The following TEX9 variants were observed in gnomAD, a reference collection of about 807,000 sequenced individuals.
TEX9 encodes testis-expressed protein 9.
A neutral mutation model predicts 59.6 loss-of-function variants in TEX9; 74 were observed. The observed-to-expected ratio is 1.24, with a 90% CI of 1.03 to 1.51. The LOEUF is 1.51. Among genes scored for constraint, TEX9 ranks in the 40% most tolerant of loss-of-function variants. The probability of loss-of-function intolerance (pLI) is 0.00; values close to 1 mark genes in which losing one functional copy is unlikely to be tolerated. For missense variants in TEX9, 522 were observed against 447.8 expected, an observed-to-expected ratio of 1.17 and a Z score of -1.49; for synonymous variants, 186 against 152.2, an observed-to-expected ratio of 1.22 and a Z score of -1.64.
chr15:56,260,366 T>G (rs1392893184), intron 1 of TEX9, among the ~76,000 whole-genome samples: 1 of 152,078 alleles, frequency 6.6e-6, no homozygotes, highest in African/African-American at 2.4e-5. Context: ...GCAGGCCTTT[T>G]GTACATAAAC....
At chr15:56,458,927 TGGC>T in the TEX9 span, among the ~76,000 whole-genome samples, 1 of 152,238 alleles carries the variant, frequency 6.6e-6, no homozygotes. Flanking sequence ...ATTTGTGCTA[TGGC>T]AGCTATAAAG....
chr15:56,332,676 G>T (rs2046175481), intron 1 of TEX9, among the ~76,000 whole-genome samples: 1 of 148,988 alleles, frequency 6.7e-6, no homozygotes, highest in Admixed American at 6.7e-5. Context: ...TAGAAGAAAA[G>T]AAATAAGACC....
At chr15:56,331,286 C>T (rs1388902364) in intron 1 of TEX9, among the ~76,000 whole-genome samples, 9 of 152,190 alleles carry the variant, frequency 5.9e-5, no homozygotes, top group Non-Finnish European at 1.0e-4. Context: ...ACTTAGTCTG[C>T]ACTGTGGACC....
At chr15:56,331,324 C>T (rs1441809468) in intron 1 of TEX9, among the ~76,000 whole-genome samples, 1 of 152,178 alleles carries the variant, frequency 6.6e-6, no homozygotes, top group African/African-American at 2.4e-5. Flanking sequence ...ATTTACAGAA[C>T]ATTTCATCCA....
intron 1 of TEX9, among the ~76,000 whole-genome samples, chr15:56,282,079 G>A (rs2044833053): frequency 6.6e-6 from 1 of 151,998 alleles, no homozygotes; most frequent in Non-Finnish European, 1.5e-5. Context: ...TAACATAGGT[G>A]AAAAACTTCT....
chr15:56,285,272 C>G (rs1483427850), intron 1 of TEX9, among the ~76,000 whole-genome samples: 2 of 152,062 alleles, frequency 1.3e-5, no homozygotes, highest in African/African-American at 4.8e-5. Flanking sequence ...ACATAGAATT[C>G]CGGTTGGCAA....
chr15:56,279,563 C>T (rs963815215), intron 1 of TEX9, among the ~76,000 whole-genome samples: 2 of 152,130 alleles, frequency 1.3e-5, no homozygotes, highest in Non-Finnish European at 1.5e-5. Flanking sequence ...CAACCACTGG[C>T]ATTACCTTTA....
chr15:56,330,031 GAAAA>G (rs767619452), intron 1 of TEX9, among the ~76,000 whole-genome samples: 1 of 145,846 alleles, frequency 6.9e-6, no homozygotes, highest in Non-Finnish European at 1.5e-5. Flanking sequence ...CAAGAGAAAA[GAAAA>G]AAAACAAACA....
intron 10 of TEX9, among the ~76,000 whole-genome samples, chr15:56,416,971 T>C (rs1432590015): frequency 1.3e-5 from 2 of 151,884 alleles, no homozygotes; most frequent in Non-Finnish European, 2.9e-5. Context: ...CCATCTCTTC[T>C]AGGTTTTCTA....
chr15:56,365,660 G>A (rs776225391), exon 2 of TEX9: 1 of 1,614,146 alleles, frequency 6.2e-7, no homozygotes, highest in South Asian at 1.1e-5. Flanking sequence ...CGCCTTGGAG[G>A]AAGAATATAA....
chr15:56,323,021 A>T lies in TEX9; in HGVS notation c.-106-50420A>T, dbSNP rs149720959. 1.8e-3 allele frequency among the ~76,000 whole-genome samples: 270 copies of T among 152,234 alleles called. 1 individual carries two copies. The Middle Eastern group carries it at 0.024, about 14-fold the overall frequency. ...TAAAGAACGGAGGCACAGCTATGGC[A>T]GTACACTGAGCTCCATAGAGACAGC... is the stretch of plus-strand genomic sequence containing the variant. On this transcript the variant is annotated intron_variant, in intron 1 of 5. Coordinates refer to the TEX9 transcript ENST00000560827.
chr15:56,388,345 A>T (rs2048053739), intron 4 of TEX9, 127 bp from the exon 5 acceptor site: 1 of 666,746 alleles, frequency 1.5e-6, no homozygotes, highest in African/African-American at 1.8e-5. Context: ...ACATGTGGGT[A>T]ACTAGAATTA....
intron 9 of TEX9, among the ~76,000 whole-genome samples, chr15:56,406,803 C>A (rs1261635634): frequency 6.6e-6 from 1 of 152,022 alleles, no homozygotes; most frequent in Non-Finnish European, 1.5e-5. Context: ...GTTGCAAATT[C>A]TTTGTTTACC....
chr15:56,336,083 C>T (rs1360208448), intron 1 of TEX9, among the ~76,000 whole-genome samples: 1 of 152,160 alleles, frequency 6.6e-6, no homozygotes, highest in Non-Finnish European at 1.5e-5. Context: ...GCAGTTGCAT[C>T]GCTGAAATAC....
chr15:56,332,677 A>G (rs2046175552), intron 1 of TEX9, among the ~76,000 whole-genome samples: 1 of 152,074 alleles, frequency 6.6e-6, no homozygotes, highest in South Asian at 2.1e-4. Context: ...AGAAGAAAAG[A>G]AATAAGACCA....
chr15:56,455,610 G>C, the TEX9 span, among the ~76,000 whole-genome samples: 1 of 152,146 alleles, frequency 6.6e-6, no homozygotes, highest in African/African-American at 2.4e-5. Context: ...ACTTGGCCCT[G>C]AGTTTTGATT....
At chr15:56,379,308 C>G (rs2047611702) in intron 3 of TEX9, among the ~76,000 whole-genome samples, 1 of 152,052 alleles carries the variant, frequency 6.6e-6, no homozygotes. Context: ...TTCATTGACC[C>G]ATTGGTAATT....
chr15:56,365,291 G>T, upstream of TEX9: 4 of 941,996 alleles, frequency 4.2e-6, no homozygotes, highest in Non-Finnish European at 4.6e-6. Context: ...GCCGAGTGCT[G>T]CGAGCAAAGG....
intron 1 of TEX9, among the ~76,000 whole-genome samples, chr15:56,262,190 A>G (rs1351446836): frequency 6.6e-6 from 1 of 152,248 alleles, no homozygotes; most frequent in East Asian, 1.9e-4. Flanking sequence ...GTAATGACAA[A>G]GTTCCAGCTG....
Sources: gnomAD v4.1 joint callset for allele counts (sites outside exome capture counted in the v4.1 genomes callset) on GRCh38, gnomAD v4.1.1 for gene constraint, MANE v1.5 for transcripts, NCBI Gene and HGNC (gene_info 2026-07-23, HGNC 2026-07-21) for gene names.